The following CCDC91 variants were observed in gnomAD, a reference collection of about 807,000 sequenced individuals.
CCDC91 encodes coiled-coil domain containing 91.
In CCDC91, 48 loss-of-function variants were observed where a neutral mutation model predicts 63.2. The observed-to-expected ratio is 0.76, with a 90% CI of 0.60 to 0.97. CCDC91 has a LOEUF of 0.97. Ranked by LOEUF, CCDC91 falls within the 50% of genes least tolerant of loss-of-function variation. CCDC91 has a pLI of 0.00. For synonymous variants in CCDC91, 167 were observed against 165.8 expected (o/e 1.01, Z -0.06); for missense variants, 500 against 494.6 (o/e 1.01, Z -0.10).
chr12:28,462,327 A>G (rs547819226), intron 11 of CCDC91, among the ~76,000 whole-genome samples: 4 of 152,240 alleles, frequency 2.6e-5, no homozygotes, highest in African/African-American at 4.8e-5. Context: ...GTAGGGAACT[A>G]TAGTTAAGGA....
intron 1 of CCDC91, among the ~76,000 whole-genome samples, chr12:28,233,676 T>A (rs1222989845): frequency 1.3e-5 from 2 of 152,258 alleles, no homozygotes; most frequent in South Asian, 4.1e-4. Flanking sequence ...ATAAGTCAAT[T>A]TTGTCCTAAT....
intron 6 of CCDC91, among the ~76,000 whole-genome samples, chr12:28,358,424 A>C (rs190255202): frequency 1.1e-3 from 172 of 152,296 alleles, no homozygotes; most frequent in South Asian, 3.3e-3. Context: ...TGGCCTTCAA[A>C]TCTTGGCCAT....
intron 8 of CCDC91, chr12:28,412,699 G>C (rs1037144055): frequency 2.2e-6 from 1 of 451,246 alleles, no homozygotes; most frequent in African/African-American, 2.0e-5. Flanking sequence ...TGGCTGGGGT[G>C]GTCAGCTTTT....
chr12:28,196,697 A>G (rs1269025813), intron 1 of CCDC91, among the ~76,000 whole-genome samples: 1 of 152,218 alleles, frequency 6.6e-6, no homozygotes, highest in Non-Finnish European at 1.5e-5. Context: ...TGTGAACATG[A>G]TAGTTGATTA....
At chr12:28,441,071 A>G (rs1195965422) in intron 8 of CCDC91, among the ~76,000 whole-genome samples, 605 of 27,502 alleles carry the variant, frequency 0.022, 7 homozygotes, top group Non-Finnish European at 0.041. Flanking sequence ...AAAAAAAAAA[A>G]AAAAAAAAAA....
chr12:28,248,621 G>A (rs1945917777), intron 1 of CCDC91, among the ~76,000 whole-genome samples: 1 of 152,188 alleles, frequency 6.6e-6, no homozygotes, highest in African/African-American at 2.4e-5. Context: ...TGATGTTAAT[G>A]TTCAAATAAG....
At chr12:28,299,968 A>G (rs1442675465) in intron 3 of CCDC91, among the ~76,000 whole-genome samples, 1 of 151,332 alleles carries the variant, frequency 6.6e-6, no homozygotes, top group African/African-American at 2.4e-5. Flanking sequence ...TATTAGGAAT[A>G]TTGGCCCTTA....
intron 1 of CCDC91, among the ~76,000 whole-genome samples, chr12:28,247,996 C>T (rs1475558185): frequency 1.3e-5 from 2 of 152,238 alleles, no homozygotes; most frequent in East Asian, 3.9e-4. Flanking sequence ...ACTTGCTGGC[C>T]ACTCACCTCC....
In CCDC91 at chr12:28,317,956, A is replaced by G. The variant is rs1009616368; in HGVS notation, c.576+10207A>G. ...TTTATAGAATAAACATTTCACTTTT[A>G]TACTGTTTCTCCTCATTCACTATCT... On this transcript the variant is annotated intron_variant, in intron 6 of 12. Transcript: ENST00000536442. 5.9e-5 allele frequency among the ~76,000 whole-genome samples: 9 copies of G among 151,974 alleles called. 1 individual carries two copies. Among genetic ancestry groups the G allele is most frequent in the Admixed American group, 5.9e-4 (9 of 15,222 alleles).
At chr12:28,547,604 TGAAGGTATCA>T (rs1343095204) in intron 12 of CCDC91, among the ~76,000 whole-genome samples, 3 of 152,060 alleles carry the variant, frequency 2.0e-5, no homozygotes, top group African/African-American at 7.2e-5. Flanking sequence ...TGTATTCACC[TGAAGGTATCA>T]TCCAGTAGAG....
intron 6 of CCDC91, among the ~76,000 whole-genome samples, chr12:28,339,959 C>T (rs1942294003): frequency 6.6e-6 from 1 of 152,060 alleles, no homozygotes; most frequent in African/African-American, 2.4e-5. Flanking sequence ...TATGAATATA[C>T]ACACATATAT....
intron 2 of CCDC91, among the ~76,000 whole-genome samples, chr12:28,258,426 A>T (rs1428656715): frequency 6.6e-6 from 1 of 152,024 alleles, no homozygotes; most frequent in Non-Finnish European, 1.5e-5. Flanking sequence ...TACAGTGGAT[A>T]GTGTTCTGTA....
chr12:28,418,532 A>G (rs1476222760), intron 8 of CCDC91, among the ~76,000 whole-genome samples: 2 of 152,112 alleles, frequency 1.3e-5, no homozygotes, highest in Non-Finnish European at 2.9e-5. Flanking sequence ...TCCTTTAATG[A>G]GATATAATGT....
chr12:28,268,398 G>T (rs1369830860), intron 3 of CCDC91, among the ~76,000 whole-genome samples: 2 of 152,004 alleles, frequency 1.3e-5, no homozygotes, highest in Non-Finnish European at 2.9e-5. Flanking sequence ...CATACACCTG[G>T]AAAATTAACA....
chr12:28,499,845 T>C (rs1406168586), intron 12 of CCDC91, among the ~76,000 whole-genome samples: 1 of 152,152 alleles, frequency 6.6e-6, no homozygotes, highest in Non-Finnish European at 1.5e-5. Flanking sequence ...TTTATAATCC[T>C]TTGGGTATAT....
chr12:28,363,876 G>GAAAAAAAAA (rs34997286), intron 7 of CCDC91, among the ~76,000 whole-genome samples: 2 of 52,546 alleles, frequency 3.8e-5, no homozygotes, highest in South Asian at 7.4e-4. Flanking sequence ...GGCTCCATCT[G>GAAAAAAAAA]AAAAAAAAAA....
Position 28,197,973 on chromosome 12 carries a change from TA to T in CCDC91, c.-15+7338del, listed in dbSNP as rs544343847. Among the ~76,000 whole-genome samples the T allele has an allele frequency of 3.4e-3, 515 of 152,264 alleles. 1 individual carries two copies. The highest frequency in any genetic ancestry group is 5.1e-3 in the Non-Finnish European group (344 of 67,962). ...TAATTATAGGTTTAATAAATGGAGA[TA>T]AAAAATAATGTTAATTACTTTATAA... On this transcript the variant is annotated intron_variant, in intron 1 of 12. Transcript: ENST00000536442.
intron 6 of CCDC91, among the ~76,000 whole-genome samples, chr12:28,308,559 G>A (rs1314638019): frequency 5.9e-5 from 9 of 151,892 alleles, no homozygotes; most frequent in African/African-American, 1.5e-4. Context: ...GTTCCCTTAT[G>A]TCCCTTCTTC....
intron 3 of CCDC91, among the ~76,000 whole-genome samples, chr12:28,263,085 A>G (rs1264234903): frequency 6.6e-6 from 1 of 151,822 alleles, no homozygotes; most frequent in Non-Finnish European, 1.5e-5. Flanking sequence ...TCTTCCATCC[A>G]CTTACTTGAG....
Sources: allele counts gnomAD v4.1 joint callset (sites outside exome capture counted in the v4.1 genomes callset), GRCh38; gene constraint gnomAD v4.1.1; transcripts MANE v1.5; gene names NCBI Gene and HGNC (gene_info 2026-07-23, HGNC 2026-07-21).